The following PFDN2 variants were observed in gnomAD, a reference collection of about 807,000 sequenced individuals.
PFDN2 encodes the protein prefoldin 2.
In PFDN2, 7 loss-of-function variants were observed where a neutral mutation model predicts 18.3. The observed-to-expected ratio is 0.38, with a 90% CI of 0.22 to 0.72. PFDN2 has a LOEUF of 0.72. Among genes scored for constraint, PFDN2 ranks in the 30% least tolerant of loss-of-function variants. The probability of loss-of-function intolerance (pLI) is 0.47; values close to 1 mark genes in which losing one functional copy is unlikely to be tolerated. For synonymous variants in PFDN2, 76 were observed against 75.0 expected, an observed-to-expected ratio of 1.01 and a Z score of -0.07; for missense variants, 181 against 199.1, an observed-to-expected ratio of 0.91 and a Z score of 0.55.
chr1:161,112,714 T>A (rs560930143), intron 1 of PFDN2, among the ~76,000 whole-genome samples: 2 of 152,304 alleles, frequency 1.3e-5, no homozygotes, highest in South Asian at 4.1e-4. Flanking sequence ...CATTCTTATC[T>A]GAATTACTGC....
rs1253156239 is a variant in PFDN2 at position 161,117,972 on chromosome 1, C to T, written c.55G>A (p.Gly19Arg). 1.2e-6 allele frequency: 2 copies of T among 1,612,740 alleles called. No homozygotes were observed. The highest frequency in any genetic ancestry group is 1.3e-5 in the African/African-American group (1 of 74,904). The change falls in exon 1 of 4, where the codon GGG becomes AGG. Residue 19 changes from glycine to arginine, a missense_variant. By Grantham distance (125) the Gly-to-Arg change is moderately radical. Transcript: ENST00000368010. ...GKSSGSGAGK[G>R]AVSAEQVIAG... ...CTCACCTGCTCTGCGGACACCGCCC[C>T]CTTCCCCGCGCCGCTCCCGCTGCTC... is the stretch of plus-strand genomic sequence containing the variant.
At chr1:161,108,708 G>T (rs764810023) in intron 1 of PFDN2, among the ~76,000 whole-genome samples, 1 of 152,148 alleles carries the variant, frequency 6.6e-6, no homozygotes, top group Non-Finnish European at 1.5e-5. Context: ...TCCACTGCAT[G>T]TCGCTAGAAA....
At chr1:161,101,113 C>T (rs1654548428) in intron 3 of PFDN2, among the ~76,000 whole-genome samples, 1 of 152,192 alleles carries the variant, frequency 6.6e-6, no homozygotes, top group Non-Finnish European at 1.5e-5. Context: ...TGGTCTCAAA[C>T]TTCTGCCTCA....
intron 1 of PFDN2, among the ~76,000 whole-genome samples, chr1:161,114,598 A>G (rs1195166735): frequency 3.9e-5 from 6 of 152,222 alleles, no homozygotes; most frequent in African/African-American, 1.4e-4. Context: ...ACTATATTCT[A>G]ATCACTGTGC....
At chr1:161,114,550 C>T (rs1166689792) in intron 1 of PFDN2, among the ~76,000 whole-genome samples, 1 of 152,200 alleles carries the variant, frequency 6.6e-6, no homozygotes, top group Non-Finnish European at 1.5e-5. Context: ...TTTTTCTCCT[C>T]TAGAAAACAA....
intron 1 of PFDN2, among the ~76,000 whole-genome samples, chr1:161,116,468 C>A (rs2101709228): frequency 6.6e-6 from 1 of 151,426 alleles, no homozygotes; most frequent in East Asian, 2.0e-4. Context: ...CAGCCGAGAT[C>A]ACGCCACTGC....
At chr1:161,107,446 A>G (rs977512687) in intron 1 of PFDN2, among the ~76,000 whole-genome samples, 10 of 144,860 alleles carry the variant, frequency 6.9e-5, no homozygotes, top group African/African-American at 2.3e-4. Context: ...AAAAAAAAAA[A>G]GCTTAACTAA....
rs139905578 is a variant in PFDN2, at chr1:161,109,112, A to C, written c.76-6737T>G. Reference sequence around the variant, plus strand: ...GACCGGGTTCCAGTTTACCTCTCCCAATCAGTTGTTCCCTCCACATCTTAA... The same window carrying C: ...GACCGGGTTCCAGTTTACCTCTCCCCATCAGTTGTTCCCTCCACATCTTAA... On this transcript the variant is annotated intron_variant, in intron 1 of 3. Transcript: ENST00000368010. Among the ~76,000 whole-genome samples the C allele has an allele frequency of 1.3e-4, 20 of 152,300 alleles. No individual in the cohort carries two copies. The East Asian group carries it at 3.7e-3, about 28-fold the overall frequency.
intron 1 of PFDN2, among the ~76,000 whole-genome samples, chr1:161,108,316 G>C (rs1654728454): frequency 6.6e-6 from 1 of 151,724 alleles, no homozygotes; most frequent in African/African-American, 2.4e-5. Flanking sequence ...AAATTAACTG[G>C]GTATGGTGGC....
At chr1:161,111,826 T>C (rs982517646) in intron 1 of PFDN2, among the ~76,000 whole-genome samples, 6 of 152,258 alleles carry the variant, frequency 3.9e-5, no homozygotes, top group African/African-American at 1.4e-4. Flanking sequence ...TGAAATTATT[T>C]TTTATTGATT....
chr1:161,103,679 G>T (rs1183730953), intron 1 of PFDN2, among the ~76,000 whole-genome samples: 1 of 71,166 alleles, frequency 1.4e-5, no homozygotes, highest in South Asian at 6.1e-4. Context: ...GCAAGACTCC[G>T]TCTCAAAAAA....
chr1:161,114,721 T>C (rs747477294), intron 1 of PFDN2, among the ~76,000 whole-genome samples: 1 of 152,188 alleles, frequency 6.6e-6, no homozygotes, highest in African/African-American at 2.4e-5. Context: ...GGAGGTCATA[T>C]ATAAATAGTA....
chr1:161,111,323 T>C (rs1245825860), intron 1 of PFDN2, among the ~76,000 whole-genome samples: 1 of 152,358 alleles, frequency 6.6e-6, no homozygotes, highest in Admixed American at 6.5e-5. Flanking sequence ...GCTATATGAC[T>C]GAGTCACTTA....
At position 161,118,016 on chromosome 1, in the gene PFDN2, T is replaced by C; in HGVS notation, c.11A>G (p.Asn4Ser). The C allele has an allele frequency of 1.2e-6, 2 of 1,611,960 alleles. No homozygotes were observed. The highest frequency in any genetic ancestry group is 1.7e-6 in the Non-Finnish European group (2 of 1,179,308). The stretch of plus-strand genomic sequence containing the variant: ...GCTGCTCTTGCCGGCGCGACCGCTG[T>C]TCTCCGCCATCTTCGCCGCCTGCTG... MAE[N>S]SGRAGKSSGS... is the part of the protein sequence containing the mutation. Residue 4 changes from asparagine (N) to serine (S), a missense_variant, in exon 1 of 4, where the codon AAC becomes AGC. Physicochemically the swap from Asn to Ser is conservative, Grantham distance 46. Coordinates refer to ENST00000368010, the MANE Select transcript of PFDN2 (RefSeq NM_012394.4).
At chr1:161,112,119 C>T (rs1350752856) in intron 1 of PFDN2, among the ~76,000 whole-genome samples, 1 of 152,148 alleles carries the variant, frequency 6.6e-6, no homozygotes, top group African/African-American at 2.4e-5. Context: ...CAGATTAATA[C>T]CTGTCTCACA....
chr1:161,107,888 C>T (rs1323210455), intron 1 of PFDN2, among the ~76,000 whole-genome samples: 86 of 151,280 alleles, frequency 5.7e-4, no homozygotes, highest in Non-Finnish European at 1.0e-3. Context: ...CCAAAGCGGG[C>T]GGATCACCTG....
intron 1 of PFDN2, among the ~76,000 whole-genome samples, chr1:161,116,903 CTTGTA>C (rs1557966744): frequency 6.6e-6 from 1 of 152,092 alleles, no homozygotes; most frequent in African/African-American, 2.4e-5. Context: ...GATACATCTG[CTTGTA>C]TTAATTGTTC....
At chr1:161,113,293 G>T (rs1230620142) in intron 1 of PFDN2, among the ~76,000 whole-genome samples, 1 of 151,992 alleles carries the variant, frequency 6.6e-6, no homozygotes, top group African/African-American at 2.4e-5. Flanking sequence ...CTCCTTCAGG[G>T]TTCTGCTCAA....
intron 1 of PFDN2, among the ~76,000 whole-genome samples, chr1:161,111,606 T>A (rs1654810862): frequency 6.6e-6 from 1 of 152,158 alleles, no homozygotes. Context: ...TGCTACAGGG[T>A]AACAATGAGA....
Sources: allele counts gnomAD v4.1 joint callset (sites outside exome capture counted in the v4.1 genomes callset), GRCh38; gene constraint gnomAD v4.1.1; transcripts MANE v1.5; gene names NCBI Gene and HGNC (gene_info 2026-07-23, HGNC 2026-07-21).